The following UACA variants were observed in gnomAD, a reference collection of about 807,000 sequenced individuals.
UACA encodes the protein nuclear membrane binding protein.
Under a neutral mutation model 160.5 loss-of-function variants are expected in UACA, and 112 were observed. The ratio of observed to expected loss-of-function variants is 0.70; its 90% CI spans 0.60 to 0.82. The LOEUF is 0.82. Ranked by LOEUF, UACA falls within the 40% of genes least tolerant of loss-of-function variation. The pLI is 0.00. For synonymous variants in UACA, 557 were observed against 568.4 expected, an observed-to-expected ratio of 0.98 and a Z score of 0.29; for missense variants, 1,574 against 1,614.6, an observed-to-expected ratio of 0.97 and a Z score of 0.43.
chr15:70,768,842 C>A, the UACA span, among the ~76,000 whole-genome samples: 2 of 152,174 alleles, frequency 1.3e-5, no homozygotes, highest in African/African-American at 4.8e-5. Context: ...TAAAGGCTAT[C>A]TCTATAGATT....
rs193179719 is a variant in UACA, at chr15:70,760,493, A to G, written c.78+2837T>C. On this transcript the variant is annotated intron_variant, in intron 1 of 18. Coordinates refer to ENST00000322954, the MANE Select transcript of UACA (RefSeq NM_018003.4). ...AGTATATACAAATGAATAGGGAAAA[A>G]TATCGACAACCCAATAGAAAAATGG... 4.2e-4 allele frequency among the ~76,000 whole-genome samples: 64 copies of G among 152,312 alleles called. No homozygotes were observed. The East Asian group carries it at 9.6e-3, about 23-fold the overall frequency.
rs144740902 is a variant in UACA, at chr15:70,695,072, C to T, written c.246G>A (p.Glu82=). ...CATGTATAAGGATGGCATTCAAACA[C>T]TCAAGATTCCCCTTTGAGGTCACAA... The part of the protein sequence containing the change: ...FHVVTSKGNL[E]CLNAILIHGV... The change falls in exon 3 of 19, where the codon GAG becomes GAA. Residue 82 remains glutamate, a synonymous_variant. Coordinates refer to ENST00000322954, the MANE Select transcript of UACA (RefSeq NM_018003.4). 6.8e-6 allele frequency: 11 copies of T among 1,609,720 alleles called. No homozygotes were observed. In the African/African-American group the frequency reaches 1.3e-4, roughly 20 times the overall value.
intron 1 of UACA, among the ~76,000 whole-genome samples, chr15:70,755,174 A>G (rs918508686): frequency 1.1e-4 from 17 of 152,332 alleles, no homozygotes; most frequent in Admixed American, 3.3e-4. Context: ...AGATACAAAC[A>G]TAAGTTAAAC....
rs371185504 is a variant in UACA, at chr15:70,663,004, T to A, written c.4113+1658A>T. On this transcript the variant is annotated intron_variant, in intron 17 of 18. Transcript: ENST00000322954. ...AAGCAATGGCAACAAAAGCCAAAAT[T>A]GACAAATGGGATCTAATTAAACTAA... Among the ~76,000 whole-genome samples the A allele has an allele frequency of 1.9e-4, 29 of 151,604 alleles. No homozygotes were observed. The South Asian group carries it at 4.8e-3, about 25-fold the overall frequency.
Position 70,656,935 on chromosome 15 carries a change from G to A in UACA, c.*121C>T. 1.6e-6 allele frequency: 1 copy of A among 641,206 alleles called. No homozygotes were observed. Among genetic ancestry groups the A allele is most frequent in the Non-Finnish European group, 2.5e-6 (1 of 398,248 alleles). The allele number at this position is 641,206 out of a possible 1,614,324, so 39.7% of individuals were successfully genotyped here. On this transcript the variant is annotated 3_prime_UTR_variant, in exon 19 of 19. Transcript: ENST00000322954. The stretch of plus-strand genomic sequence containing the variant: ...AATTTTAAAAAAAAACCTACCAATA[G>A]AACAAAATATATTTTATTTTAATTA...
intron 13 of UACA, among the ~76,000 whole-genome samples, chr15:70,674,284 C>T (rs757970076): frequency 4.6e-5 from 7 of 152,076 alleles, no homozygotes; most frequent in Non-Finnish European, 7.4e-5. Context: ...ACAATGAATA[C>T]GTAGTGACTG....
chr15:70,683,841 TA>T (rs869093460), intron 8 of UACA, among the ~76,000 whole-genome samples: 5 of 151,246 alleles, frequency 3.3e-5, no homozygotes, highest in East Asian at 1.9e-4. Flanking sequence ...CTGTTTTTTT[TA>T]AAAAAAACAT....
chr15:70,679,738 C>T (rs1897427696), intron 9 of UACA, 62 bp from the exon 10 acceptor site: 14 of 1,081,934 alleles, frequency 1.3e-5, no homozygotes, highest in Middle Eastern at 2.4e-4. Context: ...AGTATATTTT[C>T]CTCAATTGGC....
At chr15:70,699,235 A>G (rs1273255021) in intron 2 of UACA, among the ~76,000 whole-genome samples, 1 of 152,140 alleles carries the variant, frequency 6.6e-6, no homozygotes, top group African/African-American at 2.4e-5. Flanking sequence ...AGCAAATATG[A>G]TAAGGAATAT....
chr15:70,681,146 C>T (rs139252346), intron 9 of UACA, among the ~76,000 whole-genome samples: 87 of 152,304 alleles, frequency 5.7e-4, no homozygotes, highest in African/African-American at 2.0e-3. Flanking sequence ...TTCACAGCAT[C>T]TGCTATGATA....
chr15:70,764,571 CT>C (rs904514423), upstream of UACA, among the ~76,000 whole-genome samples: 1 of 152,140 alleles, frequency 6.6e-6, no homozygotes, highest in Non-Finnish European at 1.5e-5. Flanking sequence ...ACAAAGGACT[CT>C]TTTTTGTCTG....
chr15:70,666,814 C>A lies in UACA; in HGVS notation c.3870G>T (p.Lys1290Asn). 6.2e-7 allele frequency: 1 copy of A among 1,613,738 alleles called. No homozygotes were observed. The highest frequency in any genetic ancestry group is 8.5e-7 in the Non-Finnish European group (1 of 1,179,914). Residue 1290 changes from lysine (K) to asparagine (N), a missense_variant, in exon 16 of 19, where the codon AAG (lysine) becomes AAT (asparagine). By Grantham distance (94) the Lys-to-Asn change is moderately conservative (BLOSUM62 0). Transcript: ENST00000322954. ...FSIEQEIKDQKERCDKSLTTI... is the reference protein window; with the variant it reads ...FSIEQEIKDQNERCDKSLTTI... ...TTGTTAAGGACTTATCACATCGTTC[C>A]TTCTGATCCTTAATTTCTTGCTCAA...
chr15:70,706,093 T>A (rs989538540), intron 1 of UACA, among the ~76,000 whole-genome samples: 3 of 152,154 alleles, frequency 2.0e-5, no homozygotes, highest in Non-Finnish European at 4.4e-5. Context: ...AACTGTATAA[T>A]CTTTATTCCT....
upstream of UACA, chr15:70,768,387 G>A (rs141170751): frequency 9.2e-5 from 14 of 152,246 alleles, no homozygotes; most frequent in African/African-American, 3.4e-4. Context: ...TGAAAAAACA[G>A]GAAGGATCAT....
At chr15:70,766,467 TTA>T (rs2031011729), upstream of UACA, among the ~76,000 whole-genome samples, 1 of 152,162 alleles carries the variant, frequency 6.6e-6, no homozygotes. Flanking sequence ...CAATATTTAT[TTA>T]TTTACAATAT....
chr15:70,703,217 C>A, intron 1 of UACA: 2 of 1,288,786 alleles, frequency 1.6e-6, no homozygotes, highest in Non-Finnish European at 2.0e-6. Flanking sequence ...CTCATTACCA[C>A]AATAGCATGA....
chr15:70,664,287 A>G (rs1896825394), intron 17 of UACA, among the ~76,000 whole-genome samples: 1 of 152,188 alleles, frequency 6.6e-6, no homozygotes, highest in Non-Finnish European at 1.5e-5. Flanking sequence ...GCACCCTGCA[A>G]TGAGAAAGAT....
chr15:70,745,448 A>ATT (rs1899678285), intron 1 of UACA, among the ~76,000 whole-genome samples: 1 of 14,942 alleles, frequency 6.7e-5, no homozygotes, highest in South Asian at 4.6e-3. Flanking sequence ...AAGAAAAAGA[A>ATT]AAAAAAAAAA....
chr15:70,773,496 AC>A, the UACA span, among the ~76,000 whole-genome samples: 2 of 152,184 alleles, frequency 1.3e-5, no homozygotes, highest in Non-Finnish European at 2.9e-5. Flanking sequence ...AGGGGAAAGG[AC>A]TAATGAAACA....
Sources: gnomAD v4.1 joint callset for allele counts (sites outside exome capture counted in the v4.1 genomes callset) on GRCh38, gnomAD v4.1.1 for gene constraint, MANE v1.5 for transcripts, NCBI Gene and HGNC (gene_info 2026-07-23, HGNC 2026-07-21) for gene names.